Variants in ANTXR1 observed in about 807,000 individuals in gnomAD.
ANTXR1 encodes the protein ANTXR cell adhesion molecule 1, also known as anthrax toxin receptor 1.
Under a neutral mutation model 78.1 loss-of-function variants are expected in ANTXR1, and 19 were observed. The observed-to-expected ratio is 0.24, with a 90% CI of 0.17 to 0.36. The LOEUF is 0.36. Among genes scored for constraint, ANTXR1 ranks in the 10% least tolerant of loss-of-function variants. The probability of loss-of-function intolerance (pLI) is 1.00; values close to 1 mark genes in which losing one functional copy is unlikely to be tolerated. For synonymous variants in ANTXR1, 273 were observed against 260.5 expected, an observed-to-expected ratio of 1.05 and a Z score of -0.46; for missense variants, 518 against 718.6, an observed-to-expected ratio of 0.72 and a Z score of 3.19.
At chr2:69,046,130 G>A (rs555863418) in intron 3 of ANTXR1, among the ~76,000 whole-genome samples, 2 of 152,164 alleles carry the variant, frequency 1.3e-5, no homozygotes, top group Non-Finnish European at 2.9e-5. Flanking sequence ...TTTGTTCTGC[G>A]ATGGGGAGCT....
intron 8 of ANTXR1, among the ~76,000 whole-genome samples, chr2:69,078,956 C>CT (rs200634361): frequency 1.2e-4 from 17 of 147,800 alleles, no homozygotes; most frequent in South Asian, 2.2e-4. Flanking sequence ...TTCAAATCTG[C>CT]TTTTTTTTTT....
intron 8 of ANTXR1, among the ~76,000 whole-genome samples, chr2:69,084,694 A>C (rs1254567033): frequency 1.3e-5 from 2 of 149,992 alleles, no homozygotes; most frequent in African/African-American, 4.9e-5. Flanking sequence ...ACCTCCCAAA[A>C]TGCTGGACTT....
At chr2:69,243,722 ACT>A (rs1190728074) in intron 17 of ANTXR1, among the ~76,000 whole-genome samples, 2 of 152,036 alleles carry the variant, frequency 1.3e-5, no homozygotes, top group Non-Finnish European at 2.9e-5. Context: ...GGAAAGGGAA[ACT>A]CTGTGCTCTC....
chr2:69,242,705 C>T (rs765287640), intron 17 of ANTXR1, among the ~76,000 whole-genome samples: 10 of 152,248 alleles, frequency 6.6e-5, no homozygotes, highest in Middle Eastern at 6.8e-3. Flanking sequence ...TGTCTAGGAA[C>T]GAAGGGCAGA....
intron 16 of ANTXR1, among the ~76,000 whole-genome samples, chr2:69,187,729 A>G (rs111659027): frequency 6.6e-6 from 1 of 151,550 alleles, no homozygotes; most frequent in African/African-American, 2.4e-5. Flanking sequence ...CTGGGACTAC[A>G]GGCGGGTGCC....
intron 17 of ANTXR1, among the ~76,000 whole-genome samples, chr2:69,211,176 A>C (rs1359909605): frequency 6.6e-6 from 1 of 152,220 alleles, no homozygotes; most frequent in African/African-American, 2.4e-5. Context: ...GTTGCCAGTC[A>C]GCAAAAGTTT....
chr2:69,228,389 A>G (rs1675514720), intron 17 of ANTXR1, among the ~76,000 whole-genome samples: 1 of 152,176 alleles, frequency 6.6e-6, no homozygotes, highest in African/African-American at 2.4e-5. Flanking sequence ...TTTCATGGCT[A>G]TGCTTCTTGA....
At chr2:69,236,201 A>G (rs1173995587) in intron 17 of ANTXR1, among the ~76,000 whole-genome samples, 2 of 152,190 alleles carry the variant, frequency 1.3e-5, no homozygotes, top group Admixed American at 6.5e-5. Context: ...CTTACAAATC[A>G]GTAAAAAAGA....
intron 13 of ANTXR1, among the ~76,000 whole-genome samples, chr2:69,156,407 T>C (rs1673525499): frequency 6.6e-6 from 1 of 152,184 alleles, no homozygotes; most frequent in Non-Finnish European, 1.5e-5. Context: ...TCCTTTCCAC[T>C]GGCTTCCTCC....
chr2:69,119,256 GGC>G (rs1466263901), intron 10 of ANTXR1, among the ~76,000 whole-genome samples: 2 of 152,146 alleles, frequency 1.3e-5, no homozygotes, highest in Non-Finnish European at 2.9e-5. Flanking sequence ...CCCTGGCTGT[GGC>G]GCTGCAGTGC....
chr2:69,157,339 T>C (rs760281349), intron 13 of ANTXR1, among the ~76,000 whole-genome samples: 2 of 151,996 alleles, frequency 1.3e-5, no homozygotes, highest in Non-Finnish European at 2.9e-5. Context: ...TCCTGGTCAG[T>C]GTCACCAGCT....
At chr2:69,218,211 T>A (rs1030192027) in intron 17 of ANTXR1, among the ~76,000 whole-genome samples, 2 of 152,206 alleles carry the variant, frequency 1.3e-5, no homozygotes, top group African/African-American at 4.8e-5. Flanking sequence ...CTTTGTAGAT[T>A]AAAATTAAGC....
rs980838957 is a variant in ANTXR1, at chr2:69,019,520, A to G, written c.152+5869A>G. On this transcript the variant is annotated intron_variant, in intron 1 of 17. Coordinates refer to ENST00000303714, the MANE Select transcript of ANTXR1 (RefSeq NM_032208.3). Reference sequence around the variant, plus strand: ...ATTTTATCTCCTCTTTTCTCATTTCATACTCTAATTTCTTTTTTTCAACTT... The same window carrying G: ...ATTTTATCTCCTCTTTTCTCATTTCGTACTCTAATTTCTTTTTTTCAACTT... Among the ~76,000 whole-genome samples, 54 of 152,166 alleles carry G rather than the reference A, an allele frequency of 3.5e-4. No homozygotes were observed. The East Asian group carries it at 0.01, about 29-fold the overall frequency.
chr2:69,181,763 C>A (rs1415682642), intron 14 of ANTXR1, 23 bp from the exon 15 acceptor site: 4 of 1,612,792 alleles, frequency 2.5e-6, no homozygotes, highest in Non-Finnish European at 3.4e-6. Context: ...TTGCTTCCTT[C>A]ATGTGCCACA....
rs74360699 is a variant in ANTXR1 at position 69,230,563 on chromosome 2, G to A, written c.1435-14662G>A. ...CCAAGTATTTATTAATATTTTTTAAGATTTTCAAGTCAAAATGGCAATTTG... is the reference window on the plus strand; with the variant it reads ...CCAAGTATTTATTAATATTTTTTAAAATTTTCAAGTCAAAATGGCAATTTG... On this transcript the variant is annotated intron_variant, in intron 17 of 17. Coordinates refer to ENST00000303714, the MANE Select transcript of ANTXR1 (RefSeq NM_032208.3). Among the ~76,000 whole-genome samples, 459 of 152,180 alleles carry A rather than the reference G, an allele frequency of 3.0e-3. 9 individuals are homozygous for A. The East Asian group carries it at 0.033, about 11-fold the overall frequency.
chr2:69,164,712 G>A (rs1163744130), intron 13 of ANTXR1, among the ~76,000 whole-genome samples: 2 of 152,234 alleles, frequency 1.3e-5, no homozygotes, highest in African/African-American at 2.4e-5. Context: ...CTTGTATGCA[G>A]ATGACCACAA....
intron 10 of ANTXR1, among the ~76,000 whole-genome samples, chr2:69,112,101 G>T (rs535845630): frequency 5.3e-4 from 80 of 152,276 alleles, no homozygotes; most frequent in African/African-American, 1.8e-3. Context: ...GTAAAGGAGC[G>T]TACAGTCTCA....
At chr2:69,196,272 C>G (rs536353026) in intron 17 of ANTXR1, among the ~76,000 whole-genome samples, 1 of 152,322 alleles carries the variant, frequency 6.6e-6, no homozygotes, top group South Asian at 2.1e-4. Context: ...AATTTGGATA[C>G]ATTTGAACAC....
At chr2:69,204,443 AAGCTGAGGTCTGGAAAGGTGGTCTGGAG>A (rs1216609917) in intron 17 of ANTXR1, among the ~76,000 whole-genome samples, 1 of 152,046 alleles carries the variant, frequency 6.6e-6, no homozygotes, top group Non-Finnish European at 1.5e-5. Context: ...AGAGGCACCA[AAGCTGAGGTCTGGAAAGGTGGTCTGGAG>A]AGATTCCCGA....
Sources: gnomAD v4.1 joint callset for allele counts (sites outside exome capture counted in the v4.1 genomes callset) on GRCh38, gnomAD v4.1.1 for gene constraint, MANE v1.5 for transcripts, NCBI Gene and HGNC (gene_info 2026-07-23, HGNC 2026-07-21) for gene names.